The following TMEM132D variants were observed in gnomAD, a reference collection of about 807,000 sequenced individuals.
TMEM132D encodes the protein mature OL transmembrane protein.
In TMEM132D, 21 loss-of-function variants were observed where a neutral mutation model predicts 62.3. The observed-to-expected ratio is 0.34, with a 90% CI of 0.24 to 0.49. The LOEUF is 0.49. Among genes scored for constraint, TMEM132D ranks in the 20% least tolerant of loss-of-function variants. The pLI, the probability that TMEM132D is intolerant of heterozygous loss-of-function variation, is 0.99. For synonymous variants in TMEM132D, 621 were observed against 575.6 expected, an observed-to-expected ratio of 1.08 and a Z score of -1.13; for missense variants, 1,346 against 1,402.8, an observed-to-expected ratio of 0.96 and a Z score of 0.65.
intron 4 of TMEM132D, among the ~76,000 whole-genome samples, chr12:129,309,805 G>A (rs6486450): frequency 0.62 from 93,792 of 151,794 alleles, 29,233 homozygotes; most frequent in Middle Eastern, 0.65. Flanking sequence ...TGGTCAGGCC[G>A]GAAAATCGAG....
chr12:129,311,821 T>G (rs1358858724), intron 4 of TMEM132D, among the ~76,000 whole-genome samples: 2 of 152,146 alleles, frequency 1.3e-5, no homozygotes, highest in African/African-American at 4.8e-5. Context: ...CAAATGTGGC[T>G]TGTTCCAGGA....
chr12:129,115,374 C>T (rs1343011396), intron 5 of TMEM132D, among the ~76,000 whole-genome samples: 2 of 152,132 alleles, frequency 1.3e-5, no homozygotes, highest in Non-Finnish European at 2.9e-5. Context: ...GTGTCTCTAT[C>T]AAGACCCCAG....
chr12:129,095,030 C>T (rs1291125779), intron 5 of TMEM132D, among the ~76,000 whole-genome samples: 5 of 34,144 alleles, frequency 1.5e-4, no homozygotes, highest in Middle Eastern at 0.023. Context: ...CAGGGCCTGT[C>T]GTGGGGTCGG....
chr12:129,655,800 G>T (rs1410012143), intron 2 of TMEM132D, among the ~76,000 whole-genome samples: 1 of 152,192 alleles, frequency 6.6e-6, no homozygotes, highest in African/African-American at 2.4e-5. Flanking sequence ...GCACAGAGCT[G>T]CATTTAGTCT....
chr12:129,783,097 A>G (rs2137292389), intron 1 of TMEM132D, among the ~76,000 whole-genome samples: 1 of 152,312 alleles, frequency 6.6e-6, no homozygotes, highest in South Asian at 2.1e-4. Flanking sequence ...TCTCTGAAAC[A>G]ATAGCTGCAA....
At chr12:129,128,684 G>A (rs565469239) in intron 5 of TMEM132D, among the ~76,000 whole-genome samples, 1 of 152,250 alleles carries the variant, frequency 6.6e-6, no homozygotes, top group African/African-American at 2.4e-5. Flanking sequence ...GGCTTCTAGT[G>A]TACCCATGAC....
chr12:129,414,896 CA>C (rs1872070312), intron 3 of TMEM132D, among the ~76,000 whole-genome samples: 1 of 152,128 alleles, frequency 6.6e-6, no homozygotes, highest in South Asian at 2.1e-4. Flanking sequence ...TTTTAGATTC[CA>C]CATATAGGTG....
chr12:129,641,446 G>A (rs1281075753), intron 2 of TMEM132D, among the ~76,000 whole-genome samples: 1 of 152,176 alleles, frequency 6.6e-6, no homozygotes, highest in Non-Finnish European at 1.5e-5. Context: ...AATACCGTTG[G>A]TGAGCAAATC....
intron 3 of TMEM132D, among the ~76,000 whole-genome samples, chr12:129,527,702 T>TA (rs1876088914): frequency 6.6e-6 from 1 of 152,196 alleles, no homozygotes; most frequent in Non-Finnish European, 1.5e-5. Context: ...TTATCTAAGT[T>TA]AACATAGGAG....
chr12:129,821,033 C>T (rs934259127), intron 1 of TMEM132D, among the ~76,000 whole-genome samples: 5 of 152,236 alleles, frequency 3.3e-5, no homozygotes, highest in African/African-American at 1.2e-4. Context: ...TCTCCCTCCT[C>T]CTTTCTCCTA....
chr12:129,670,641 G>A (rs180967158), intron 2 of TMEM132D, among the ~76,000 whole-genome samples: 52 of 152,262 alleles, frequency 3.4e-4, no homozygotes, highest in Admixed American at 2.2e-3. Context: ...TGACTGATCT[G>A]AGTAATAATA....
chr12:129,500,464 T>C (rs1275316808), intron 3 of TMEM132D, among the ~76,000 whole-genome samples: 1 of 152,168 alleles, frequency 6.6e-6, no homozygotes, highest in Non-Finnish European at 1.5e-5. Flanking sequence ...GTAAGCTGCC[T>C]AGATTGCTAA....
chr12:129,457,589 A>G (rs1873516262), intron 3 of TMEM132D, among the ~76,000 whole-genome samples: 1 of 151,914 alleles, frequency 6.6e-6, no homozygotes, highest in African/African-American at 2.4e-5. Context: ...CTTAAAGTAT[A>G]ATAATAATAA....
rs1269527099 is a variant in TMEM132D at position 129,818,625 on chromosome 12, G to C, written c.79+84636C>G. On this transcript the variant is annotated intron_variant, in intron 1 of 8. Coordinates refer to ENST00000422113, the MANE Select transcript of TMEM132D (RefSeq NM_133448.3). ...TGTGTATATGTGTGTGTGTGGTGTA[G>C]GGGGTGTGTTTATGTAAATACTTTC... is the stretch of plus-strand genomic sequence containing the variant. Among the ~76,000 whole-genome samples, 3 of 151,606 alleles carry C rather than the reference G, an allele frequency of 2.0e-5. No homozygotes were observed. The East Asian group carries it at 5.8e-4, about 29-fold the overall frequency.
At chr12:129,127,914 T>G (rs1464719460) in intron 5 of TMEM132D, among the ~76,000 whole-genome samples, 1 of 152,210 alleles carries the variant, frequency 6.6e-6, no homozygotes, top group African/African-American at 2.4e-5. Flanking sequence ...CCTCAAGTAT[T>G]TCTTGCTACG....
intron 1 of TMEM132D, among the ~76,000 whole-genome samples, chr12:129,719,698 A>G (rs1225783434): frequency 1.3e-5 from 2 of 152,242 alleles, no homozygotes; most frequent in Non-Finnish European, 1.5e-5. Flanking sequence ...TCGACCAGAA[A>G]GTGCCTATTT....
rs1338670286 is a variant in TMEM132D, at chr12:129,825,183, A to T, written c.79+78078T>A. Among the ~76,000 whole-genome samples the T allele has an allele frequency of 3.6e-5, 5 of 137,994 alleles. No homozygotes were observed. The East Asian group carries it at 1.1e-3, about 30-fold the overall frequency. 90.5% of individuals were successfully genotyped at this position (137,994 alleles called of 152,430 possible). A position where few individuals can be genotyped will look rare whatever the true frequency, so the allele number is the denominator to read the frequency against. On this transcript the variant is annotated intron_variant, in intron 1 of 8. Transcript: ENST00000422113. ...CACAGGCCACCCGGGTAATTTTTGT[A>T]TTTTTTTTTTTTTTAGTAGAGATGG...
intron 4 of TMEM132D, among the ~76,000 whole-genome samples, chr12:129,332,899 T>C (rs888094865): frequency 2.0e-5 from 3 of 152,186 alleles, no homozygotes; most frequent in African/African-American, 4.8e-5. Flanking sequence ...TTAGTAGCTA[T>C]AGTTTCAGTT....
At chr12:129,392,200 G>C (rs986209589) in intron 3 of TMEM132D, among the ~76,000 whole-genome samples, 5 of 151,938 alleles carry the variant, frequency 3.3e-5, no homozygotes, top group African/African-American at 1.2e-4. Context: ...TGGGATTACA[G>C]GCATGTGCCA....
Sources: gnomAD v4.1 joint callset for allele counts (sites outside exome capture counted in the v4.1 genomes callset) on GRCh38, gnomAD v4.1.1 for gene constraint, MANE v1.5 for transcripts, NCBI Gene and HGNC (gene_info 2026-07-23, HGNC 2026-07-21) for gene names.